Variants in CELF2 observed in about 807,000 individuals in gnomAD.
The protein encoded by CELF2 is CUGBP Elav-like family member 2.
A neutral mutation model predicts 62.6 loss-of-function variants in CELF2; 8 were observed. The ratio of observed to expected loss-of-function variants is 0.13; its 90% confidence interval spans 0.07 to 0.23. CELF2 has a LOEUF of 0.23. Ranked by LOEUF, CELF2 falls within the 10% of genes least tolerant of loss-of-function variation. The pLI, the probability that CELF2 is intolerant of heterozygous loss-of-function variation, is 1.00. For synonymous variants in CELF2, 258 were observed against 250.0 expected, an observed-to-expected ratio of 1.03 and a Z score of -0.30; for missense variants, 333 against 671.0, an observed-to-expected ratio of 0.50 and a Z score of 5.56.
At chr10:11,054,732 T>A (rs913115841) in intron 1 of CELF2, among the ~76,000 whole-genome samples, 1 of 152,156 alleles carries the variant, frequency 6.6e-6, no homozygotes, top group South Asian at 2.1e-4. Flanking sequence ...AGTGGTTTTT[T>A]TCTTTGGAGT....
the CELF2 span, among the ~76,000 whole-genome samples, chr10:10,736,396 C>CTTTCTTTCTTTCTTTCTTTCTTTTTT: frequency 1.3e-5 from 1 of 75,992 alleles, no homozygotes; most frequent in African/African-American, 5.0e-5. Context: ...TTCTTTCTTT[C>CTTTCTTTCTTTCTTTCTTTCTTTTTT]TTTTTTTTTT....
chr10:10,800,594 A>G (rs1362233128), intron 1 of CELF2, among the ~76,000 whole-genome samples: 2 of 152,050 alleles, frequency 1.3e-5, no homozygotes, highest in African/African-American at 2.4e-5. Flanking sequence ...CTCAGGTGAT[A>G]CACCCTCTTT....
intron 7 of CELF2, among the ~76,000 whole-genome samples, chr10:11,272,441 C>T (rs554076179): frequency 1.4e-4 from 21 of 152,134 alleles, no homozygotes; most frequent in African/African-American, 4.6e-4. Flanking sequence ...GCTGACATCA[C>T]GCTCACCTTC....
chr10:10,477,458 G>C, the CELF2 span, among the ~76,000 whole-genome samples: 1 of 152,118 alleles, frequency 6.6e-6, no homozygotes, highest in Admixed American at 6.6e-5. Context: ...CAGCTAAGTA[G>C]GTAGAGAAAA....
At chr10:10,646,474 C>T in the CELF2 span, among the ~76,000 whole-genome samples, 10 of 152,358 alleles carry the variant, frequency 6.6e-5, no homozygotes, top group African/African-American at 2.4e-4. Flanking sequence ...CAGCCCCTTA[C>T]TTTGCCCCCT....
At chr10:10,926,493 C>G (rs534203741) in intron 2 of CELF2, among the ~76,000 whole-genome samples, 1 of 152,328 alleles carries the variant, frequency 6.6e-6, no homozygotes, top group South Asian at 2.1e-4. Flanking sequence ...TTGTCAATTA[C>G]TCAGTCTGTG....
At chr10:10,939,424 T>G (rs1196116883) in intron 2 of CELF2, among the ~76,000 whole-genome samples, 1 of 151,988 alleles carries the variant, frequency 6.6e-6, no homozygotes, top group Non-Finnish European at 1.5e-5. Flanking sequence ...TAGCTGGGAT[T>G]ATAGGCATAA....
At chr10:10,816,923 G>T (rs1346245709) in intron 1 of CELF2, among the ~76,000 whole-genome samples, 1 of 152,158 alleles carries the variant, frequency 6.6e-6, no homozygotes, top group Non-Finnish European at 1.5e-5. Context: ...CACTACTCTG[G>T]CCCTTCCTTA....
At chr10:11,308,801 C>CTGCCGTT (rs2094411064) in intron 9 of CELF2, among the ~76,000 whole-genome samples, 1 of 151,908 alleles carries the variant, frequency 6.6e-6, no homozygotes, top group African/African-American at 2.4e-5. Context: ...TTTTAAAATG[C>CTGCCGTT]TGCCGTTTGC....
the CELF2 span, among the ~76,000 whole-genome samples, chr10:10,578,712 C>T: frequency 3.3e-3 from 499 of 152,264 alleles, 2 homozygotes; most frequent in African/African-American, 0.012. Context: ...ACTTTCATTA[C>T]GTTGGCACTT....
At chr10:10,533,044 G>T in the CELF2 span, among the ~76,000 whole-genome samples, 1 of 152,112 alleles carries the variant, frequency 6.6e-6, no homozygotes, top group Non-Finnish European at 1.5e-5. Context: ...TCTTATTTCA[G>T]AATGCTGGGT....
chr10:11,202,945 CTCTCTCTGTGTGTGTG>C (rs1388925731), intron 2 of CELF2, among the ~76,000 whole-genome samples: 3 of 71,576 alleles, frequency 4.2e-5, no homozygotes, highest in African/African-American at 1.3e-4. Context: ...CTCTCTCTCT[CTCTCTCTGTGTGTGTG>C]TGTGTGTGTG....
chr10:10,473,122 G>T, the CELF2 span, among the ~76,000 whole-genome samples: 2 of 151,964 alleles, frequency 1.3e-5, no homozygotes, highest in African/African-American at 4.8e-5. Flanking sequence ...GAGCTTATTT[G>T]AAAATAAGGT....
the CELF2 span, among the ~76,000 whole-genome samples, chr10:10,675,371 T>C: frequency 3.3e-5 from 5 of 152,140 alleles, no homozygotes; most frequent in Non-Finnish European, 7.3e-5. Flanking sequence ...CTTCCATAGA[T>C]AAGCGGGGGT....
intron 2 of CELF2, among the ~76,000 whole-genome samples, chr10:11,193,970 G>A (rs879783300): frequency 1.3e-5 from 2 of 152,178 alleles, no homozygotes; most frequent in African/African-American, 2.4e-5. Flanking sequence ...TAGGAATTTG[G>A]TAGTTCAAGG....
rs769279404 is a variant in CELF2, at chr10:11,290,675, C to T, written c.976+2123C>T. 6.6e-6 allele frequency among the ~76,000 whole-genome samples: 1 copy of T among 152,206 alleles called. No homozygotes were observed. Among genetic ancestry groups the T allele is most frequent in the African/African-American group, 2.4e-5 (1 of 41,458 alleles). On this transcript the variant is annotated intron_variant, in intron 9 of 12. Coordinates refer to ENST00000633077, the MANE Select transcript of CELF2 (RefSeq NM_001326342.2). The surrounding 1 kb of genome is among the most constrained non-coding windows in gnomAD (Gnocchi z 4.3). ...TGTGTTGTGGGATGAGCCTTCCTCC[C>T]TGCTGGAGTCAAAACCACACCAGCG... is the stretch of plus-strand genomic sequence containing the variant.
At chr10:10,753,751 C>G in the CELF2 span, among the ~76,000 whole-genome samples, 2 of 152,142 alleles carry the variant, frequency 1.3e-5, no homozygotes, top group Non-Finnish European at 2.9e-5. Context: ...TCACATGCAC[C>G]TGACTTCACC....
chr10:11,188,670 T>C (rs566844278), intron 2 of CELF2, among the ~76,000 whole-genome samples: 5 of 152,210 alleles, frequency 3.3e-5, no homozygotes, highest in South Asian at 4.1e-4. Context: ...ACATGTGAGC[T>C]TACAGTTTTC....
At chr10:11,308,407 A>G (rs574072167) in intron 9 of CELF2, among the ~76,000 whole-genome samples, 1 of 152,270 alleles carries the variant, frequency 6.6e-6, no homozygotes, top group South Asian at 2.1e-4. Context: ...TTAATGGTGT[A>G]CCATATTTCT....
Sources: allele counts gnomAD v4.1 joint callset (sites outside exome capture counted in the v4.1 genomes callset), GRCh38; gene constraint gnomAD v4.1.1; non-coding constraint Gnocchi (gnomAD v3.1); transcripts MANE v1.5; gene names NCBI Gene and HGNC (gene_info 2026-07-23, HGNC 2026-07-21).